SUSD2: variants seen among roughly 807,000 people sequenced by gnomAD.
SUSD2 encodes the protein sushi domain containing 2.
SUSD2 carries 86 observed loss-of-function variants against 93.8 expected under a neutral mutation model. That is an observed-to-expected ratio of 0.92 (90% CI 0.77 to 1.10). The LOEUF (loss-of-function observed/expected upper bound fraction) is 1.10. Among genes scored for constraint, SUSD2 ranks in the 50% least tolerant of loss-of-function variants. The pLI, the probability that SUSD2 is intolerant of heterozygous loss-of-function variation, is 0.00. For synonymous variants in SUSD2, 483 were observed against 485.0 expected (o/e 1.00, Z 0.05); for missense variants, 1,060 against 1,137.0 (o/e 0.93, Z 0.97).
In SUSD2 at chr22:24,186,114, G is replaced by A. The variant is rs143852867; in HGVS notation, c.1438G>A (p.Asp480Asn). The change falls in exon 9 of 15, where the codon GAC (aspartate) becomes AAC (asparagine). Residue 480 changes from aspartate (D) to asparagine (N), a missense_variant. By Grantham distance (23) the Asp-to-Asn change is conservative (BLOSUM62 1). This residue lies in a region of SUSD2 where 973 missense variants were observed against 1,005.3 expected (regional missense o/e 0.97). Coordinates refer to ENST00000358321, the MANE Select transcript of SUSD2 (RefSeq NM_019601.4). ...EYVLLEAALT[D>N]LRVQARAQPG... ...CGTGCTGCTGGAGGCAGCGCTGACC[G>A]ACCTGAGGGTGCAGGCGCGGGCCCA... The A allele has an allele frequency of 2.5e-4, 396 of 1,612,172 alleles. No individual in the cohort carries two copies. Among genetic ancestry groups the A allele is most frequent in the Non-Finnish European group, 3.2e-4 (383 of 1,179,504 alleles).
In SUSD2 at chr22:24,185,730, C is replaced by T. The variant is rs766400732; in HGVS notation, c.1140C>T (p.Ser380=). ...ADGTQLLTAD[S]SGGSTPDRGH... ...GGACGCAGCTCCTGACAGCTGACTC[C>T]AGCGGCGGCAGCACTCCCGACCGCG... The change falls in exon 8 of 15, where the codon TCC becomes TCT. Residue 380 remains serine, a synonymous_variant. Transcript: ENST00000358321. 9 of 1,609,396 alleles carry T rather than the reference C, an allele frequency of 5.6e-6. No individual in the cohort carries two copies. In the East Asian group the frequency reaches 2.0e-4, roughly 36 times the overall value.
rs201031534 is a variant in SUSD2 at position 24,184,802 on chromosome 22, C to T, written c.644C>T (p.Ser215Leu). ...TCACAGGAGTGGACTGCAAAGTGGT[C>T]GTACCTGTACCCCCTGGCCACACAC... is the stretch of plus-strand genomic sequence containing the variant. ...PYSQEWTAKW[S>L]YLYPLATHIP... The change falls in exon 5 of 15, where the codon TCG becomes TTG. Residue 215 changes from serine to leucine, a missense_variant. Ser to Leu is a moderately radical substitution (Grantham distance 145, BLOSUM62 -2). Around this residue, in one of 2 missense-constraint regions of SUSD2, gnomAD observed 973 missense variants for 1,005.3 expected, o/e 0.97. Coordinates refer to ENST00000358321, the MANE Select transcript of SUSD2 (RefSeq NM_019601.4). 8.2e-5 allele frequency: 132 copies of T among 1,610,420 alleles called. No homozygotes were observed. Among genetic ancestry groups the T allele is most frequent in the Middle Eastern group, 1.7e-4 (1 of 6,060 alleles).
rs1288069437 is a variant in SUSD2 at position 24,188,738 on chromosome 22, G to A, written c.*302G>A. On this transcript the variant is annotated 3_prime_UTR_variant, in exon 15 of 15. Coordinates refer to ENST00000358321, the MANE Select transcript of SUSD2 (RefSeq NM_019601.4). The surrounding 1 kb of genome is among the most constrained non-coding windows in gnomAD (Gnocchi z 4.7). The stretch of plus-strand genomic sequence containing the variant: ...CCTGAGCCCTGACACTCCCACACCT[G>A]AGCCTCAGATTCCAATAGCTCACTC... The A allele has an allele frequency of 2.9e-6, 1 of 350,594 alleles. No homozygotes were observed. The highest frequency in any genetic ancestry group is 2.1e-5 in the African/African-American group (1 of 47,876). 21.7% of individuals were successfully genotyped at this position (350,594 alleles called of 1,614,324 possible).
chr22:24,183,040 A>G lies in SUSD2; in HGVS notation c.77-17A>G. 6.2e-7 allele frequency: 1 copy of G among 1,610,532 alleles called. No homozygotes were observed. Among genetic ancestry groups the G allele is most frequent in the Non-Finnish European group, 8.5e-7 (1 of 1,178,782 alleles). On this transcript the variant is annotated splice_polypyrimidine_tract_variant and intron_variant, in intron 1 of 14. Transcript: ENST00000358321. ...CCAGTACCCGCCGGGCCAGGCCCTCAGCATCCTCTCCTCCAGATGCCCAAG... is the reference window on the plus strand; with the variant it reads ...CCAGTACCCGCCGGGCCAGGCCCTCGGCATCCTCTCCTCCAGATGCCCAAG...
chr22:24,188,349 C>T lies in SUSD2; in HGVS notation c.2444+22C>T. The T allele has an allele frequency of 1.2e-6, 2 of 1,610,300 alleles. No individual in the cohort carries two copies. Among genetic ancestry groups the T allele is most frequent in the South Asian group, 1.1e-5 (1 of 91,016 alleles). On this transcript the variant is annotated intron_variant, in intron 14 of 14. Transcript: ENST00000358321. This position sits in a 1 kb window ranked among gnomAD's most constrained non-coding sequence, Gnocchi z 4.7. The stretch of plus-strand genomic sequence containing the variant: ...ACACGTGAGACCCCCCAGCCCCTCT[C>T]CCAAGACCCCGAGACAGCCGGTGGG...
intron 10 of SUSD2, 131 bp downstream of exon 10, chr22:24,186,546 CAGGCCTTCACACCCACCG>C: frequency 9.0e-7 from 1 of 1,112,568 alleles, no homozygotes. Context: ...GGTCCGACCT[CAGGCCTTCACACCCACCG>C]AGGTGCCCCC....
At position 24,187,860 on chromosome 22, in the gene SUSD2, G is replaced by C; in HGVS notation, c.2164+17G>C. On this transcript the variant is annotated intron_variant, in intron 12 of 14. Coordinates refer to ENST00000358321, the MANE Select transcript of SUSD2 (RefSeq NM_019601.4). ...TGCAGCCAGGTGAGGGCGGGCAGGT[G>C]GGGGTGGGCGGGGAGCTGGGACAGG... 1 of 1,605,130 alleles carries C rather than the reference G, an allele frequency of 6.2e-7. No individual in the cohort carries two copies. The highest frequency in any genetic ancestry group is 8.5e-7 in the Non-Finnish European group (1 of 1,175,274).
intron 10 of SUSD2, chr22:24,186,631 A>C: frequency 1.7e-6 from 1 of 599,316 alleles, no homozygotes; most frequent in Non-Finnish European, 2.9e-6. Context: ...TGTCCTCCCT[A>C]CGGAGGATCC....
chr22:24,186,996 C>A, intron 10 of SUSD2: 1 of 633,086 alleles, frequency 1.6e-6, no homozygotes, highest in Non-Finnish European at 2.7e-6. Flanking sequence ...AGGGGCTGCA[C>A]CTCAGGTGCC....
At chr22:24,185,068 C>T in intron 5 of SUSD2, 26 bp from the exon 6 acceptor site, 1 of 1,612,420 alleles carries the variant, frequency 6.2e-7, no homozygotes, top group Admixed American at 1.7e-5. Flanking sequence ...TGGGCTGGCC[C>T]AGCTCCAGCA....
chr22:24,186,418 G>T lies in SUSD2; in HGVS notation c.1642+3G>T. The T allele has an allele frequency of 1.2e-6, 2 of 1,612,840 alleles. No individual in the cohort carries two copies. The highest frequency in any genetic ancestry group is 2.2e-5 in the South Asian group (2 of 91,040). ...GCAGAGCTGGATGGACCTGAAAGGT[G>T]AGCAGTCCAGCCACGCGAGGCTGCG... On this transcript the variant is annotated splice_donor_region_variant and intron_variant, in intron 10 of 14. Coordinates refer to ENST00000358321, the MANE Select transcript of SUSD2 (RefSeq NM_019601.4).
At position 24,185,843 on chromosome 22, in the gene SUSD2, A is replaced by G; in HGVS notation, c.1253A>G (p.Tyr418Cys). The G allele has an allele frequency of 6.2e-7, 1 of 1,605,916 alleles. No individual in the cohort carries two copies. The highest frequency in any genetic ancestry group is 1.1e-5 in the South Asian group (1 of 90,026). ...CTCTACGATGTCCTCAGCTTCTATT[A>G]CTGCTGCCTCTGGGCACCCGACTGC... Reference protein sequence around the residue: ...HWLYDVLSFYYCCLWAPDCPR... With the variant: ...HWLYDVLSFYCCCLWAPDCPR... The change falls in exon 8 of 15, where the codon TAC becomes TGC. Residue 418 changes from tyrosine (Y) to cysteine (C), a missense_variant. Tyr to Cys is a radical substitution (Grantham distance 194, BLOSUM62 -2). Around this residue, in one of 2 missense-constraint regions of SUSD2, gnomAD observed 973 missense variants for 1,005.3 expected, o/e 0.97. Transcript: ENST00000358321.
In SUSD2 at chr22:24,181,597, T is replaced by C; in HGVS notation, c.76+2T>C. On this transcript the variant is annotated splice_donor_variant, in intron 1 of 14. Coordinates refer to ENST00000358321, the MANE Select transcript of SUSD2 (RefSeq NM_019601.4). LOFTEE classifies it high-confidence loss of function. ...GCCCGGGCCCCGGACCCACAGCAGG[T>C]ATGCCTCCCTGCCCTTCTGTGTCCC... 1 of 1,592,832 alleles carries C rather than the reference T, an allele frequency of 6.3e-7. No individual in the cohort carries two copies. Among genetic ancestry groups the C allele is most frequent in the Non-Finnish European group, 8.5e-7 (1 of 1,170,944 alleles).
Position 24,185,866 on chromosome 22 carries a change from T to A in SUSD2, c.1276T>A (p.Cys426Ser). 1 of 1,596,388 alleles carries A rather than the reference T, an allele frequency of 6.3e-7. No individual in the cohort carries two copies. Among genetic ancestry groups the A allele is most frequent in the Non-Finnish European group, 8.5e-7 (1 of 1,170,490 alleles). ...TTACTGCTGCCTCTGGGCACCCGAC[T>A]GCCCCCGCTACATGCAACGGCGGCC... is the stretch of plus-strand genomic sequence containing the variant. Reference protein sequence around the residue: ...FYYCCLWAPDCPRYMQRRPSN... With the variant: ...FYYCCLWAPDSPRYMQRRPSN... Residue 426 changes from cysteine (C) to serine (S), a missense_variant, in exon 8 of 15, where the codon TGC becomes AGC. Cys to Ser is a moderately radical substitution (Grantham distance 112). Coordinates refer to ENST00000358321, the MANE Select transcript of SUSD2 (RefSeq NM_019601.4).
chr22:24,188,333 A>T lies in SUSD2; in HGVS notation c.2444+6A>T. 6.2e-7 allele frequency: 1 copy of T among 1,605,324 alleles called. No individual in the cohort carries two copies. On this transcript the variant is annotated splice_donor_region_variant and intron_variant, in intron 14 of 14. Coordinates refer to ENST00000358321, the MANE Select transcript of SUSD2 (RefSeq NM_019601.4). The surrounding 1 kb of genome is among the most constrained non-coding windows in gnomAD (Gnocchi z 4.7). ...CGCCGCAGGAAGGGCAACACGTGAG[A>T]CCCCCCAGCCCCTCTCCCAAGACCC...
rs773745015 is a variant in SUSD2 at position 24,188,333 on chromosome 22, A to AC, written c.2444+12dup. On this transcript the variant is annotated splice_region_variant and intron_variant, in intron 14 of 14. Transcript: ENST00000358321. This position sits in a 1 kb window ranked among gnomAD's most constrained non-coding sequence, Gnocchi z 4.7. ...CGCCGCAGGAAGGGCAACACGTGAG[A>AC]CCCCCCAGCCCCTCTCCCAAGACCC... 9.3e-6 allele frequency: 15 copies of AC among 1,605,204 alleles called. No individual in the cohort carries two copies. Among genetic ancestry groups the AC allele is most frequent in the East Asian group, 8.9e-5 (4 of 44,746 alleles).
Position 24,184,761 on chromosome 22 carries a change from C to T in SUSD2, c.608-5C>T, listed in dbSNP as rs1304201201. 2.5e-6 allele frequency: 4 copies of T among 1,572,634 alleles called. No individual in the cohort carries two copies. The highest frequency in any genetic ancestry group is 3.5e-6 in the Non-Finnish European group (4 of 1,158,456). ...CCAGGGCTAACCAGGCATCCTCTCC[C>T]TCAGGAATGCCCTACTCACAGGAGT... On this transcript the variant is annotated splice_region_variant and splice_polypyrimidine_tract_variant and intron_variant, in intron 4 of 14. Transcript: ENST00000358321.
chr22:24,186,003 A>T lies in SUSD2; in HGVS notation c.1340-13A>T. 1 of 1,598,646 alleles carries T rather than the reference A, an allele frequency of 6.3e-7. No individual in the cohort carries two copies. The highest frequency in any genetic ancestry group is 8.5e-7 in the Non-Finnish European group (1 of 1,170,806). ...GGGGTGCACCCCCACGTGACCCTCCACTCTCACCCTAGCCTCCGCCTTCGG... is the reference window on the plus strand; with the variant it reads ...GGGGTGCACCCCCACGTGACCCTCCTCTCTCACCCTAGCCTCCGCCTTCGG... On this transcript the variant is annotated splice_polypyrimidine_tract_variant and intron_variant, in intron 8 of 14. Coordinates refer to ENST00000358321, the MANE Select transcript of SUSD2 (RefSeq NM_019601.4).
At chr22:24,185,026 G>A in intron 5 of SUSD2, 68 bp from the exon 6 acceptor site, 6 of 1,611,196 alleles carry the variant, frequency 3.7e-6, no homozygotes, top group Non-Finnish European at 5.1e-6. Context: ...CCAGGCTGGG[G>A]GTGGGGAGAG....
Sources: allele counts gnomAD v4.1 joint callset, GRCh38; gene constraint gnomAD v4.1.1; regional missense constraint gnomAD v4.1.1; non-coding constraint Gnocchi (gnomAD v3.1); transcripts MANE v1.5; gene names NCBI Gene and HGNC (gene_info 2026-07-23, HGNC 2026-07-21).